The following DCC variants were observed in gnomAD, a reference collection of about 807,000 sequenced individuals.
DCC encodes netrin receptor DCC.
A neutral mutation model predicts 172.5 loss-of-function variants in DCC; 58 were observed. The ratio of observed to expected loss-of-function variants is 0.34; its 90% CI spans 0.27 to 0.42. DCC has a LOEUF of 0.42. Ranked by LOEUF, DCC falls within the 10% of genes least tolerant of loss-of-function variation. The pLI, the probability that DCC is intolerant of heterozygous loss-of-function variation, is 1.00. For missense variants in DCC, 1,740 were observed against 1,791.0 expected (o/e 0.97, Z 0.51); for synonymous variants, 709 against 644.5 (o/e 1.10, Z -1.52).
chr18:53,321,251 A>C (rs984751833), intron 13 of DCC, among the ~76,000 whole-genome samples: 2 of 152,184 alleles, frequency 1.3e-5, no homozygotes, highest in African/African-American at 4.8e-5. Context: ...TTGAGGTTTA[A>C]GGACTTGATC....
chr18:52,999,883 A>C (rs1349232232), intron 5 of DCC, among the ~76,000 whole-genome samples: 1 of 152,056 alleles, frequency 6.6e-6, no homozygotes, highest in African/African-American at 2.4e-5. Context: ...AGTTAAGATA[A>C]GGTAATACTG....
intron 1 of DCC, among the ~76,000 whole-genome samples, chr18:52,631,659 G>C (rs1419381876): frequency 1.3e-5 from 2 of 152,180 alleles, no homozygotes; most frequent in African/African-American, 4.8e-5. Context: ...CTCAGGCCAG[G>C]TTTTACAAAT....
chr18:52,420,423 G>A (rs1257171313), intron 1 of DCC, among the ~76,000 whole-genome samples: 1 of 152,070 alleles, frequency 6.6e-6, no homozygotes, highest in Non-Finnish European at 1.5e-5. Context: ...CTTAAAGTAT[G>A]GTCCACAGTC....
intron 2 of DCC, chr18:52,892,413 G>A (rs530915692): frequency 6.6e-6 from 1 of 152,094 alleles, no homozygotes; most frequent in Admixed American, 6.6e-5. Context: ...CTCAGACTAG[G>A]TGTCATGTGA....
intron 1 of DCC, among the ~76,000 whole-genome samples, chr18:52,366,756 G>T (rs1318446004): frequency 6.6e-6 from 1 of 152,112 alleles, no homozygotes; most frequent in Non-Finnish European, 1.5e-5. Context: ...TAAACACAGG[G>T]TGCTGATTGG....
chr18:52,789,002 C>T (rs1345982896), intron 2 of DCC, among the ~76,000 whole-genome samples: 1 of 152,072 alleles, frequency 6.6e-6, no homozygotes, highest in Non-Finnish European at 1.5e-5. Flanking sequence ...TTGTATGTTT[C>T]AGGTGACCAA....
In DCC at chr18:53,459,469, T is replaced by C. The variant is rs1483597337; in HGVS notation, c.3619+11T>C. 31 of 1,545,554 alleles carry C rather than the reference T, an allele frequency of 2.0e-5. No individual in the cohort carries two copies. The highest frequency in any genetic ancestry group is 2.7e-5 in the Non-Finnish European group (30 of 1,118,820). On this transcript the variant is annotated intron_variant, in intron 24 of 28. Transcript: ENST00000442544. ...GCACCTCTCATTCAGGTAATTATCTTTTCACTGGCATTAGGGAAAACATAC... is the reference window on the plus strand; with the variant it reads ...GCACCTCTCATTCAGGTAATTATCTCTTCACTGGCATTAGGGAAAACATAC...
intron 1 of DCC, among the ~76,000 whole-genome samples, chr18:52,568,385 A>G (rs1397786492): frequency 1.3e-5 from 2 of 152,148 alleles, no homozygotes; most frequent in Non-Finnish European, 2.9e-5. Flanking sequence ...ATTCTTTAGC[A>G]GTAAAAAAAG....
intron 1 of DCC, among the ~76,000 whole-genome samples, chr18:52,498,380 T>C (rs76035598): frequency 0.068 from 10,389 of 152,188 alleles, 446 homozygotes; most frequent in East Asian, 0.084. Context: ...TCCCAGCACT[T>C]TGGGGGGCCA....
At chr18:52,511,106 C>T (rs575858914) in intron 1 of DCC, among the ~76,000 whole-genome samples, 1 of 151,638 alleles carries the variant, frequency 6.6e-6, no homozygotes, top group South Asian at 2.1e-4. Flanking sequence ...ATGGTGAAAC[C>T]CCGTCTCTAC....
At chr18:52,413,104 TTA>T (rs1265307894) in intron 1 of DCC, among the ~76,000 whole-genome samples, 1 of 149,856 alleles carries the variant, frequency 6.7e-6, no homozygotes, top group Non-Finnish European at 1.5e-5. Context: ...GTTTAGAGGC[TTA>T]TATGTTTTTT....
chr18:52,644,557 C>T (rs962402758), intron 1 of DCC, among the ~76,000 whole-genome samples: 5 of 130,010 alleles, frequency 3.8e-5, no homozygotes, highest in East Asian at 4.5e-4. Context: ...CCAGCCTGGG[C>T]GACAGAGTCA....
chr18:53,206,479 AAT>A (rs1020019707), intron 10 of DCC, among the ~76,000 whole-genome samples: 3 of 99,998 alleles, frequency 3.0e-5, no homozygotes, highest in Admixed American at 1.1e-4. Flanking sequence ...TAGTATATAT[AAT>A]ATATAATGTA....
chr18:53,507,378 A>G (rs1368213174), intron 27 of DCC, among the ~76,000 whole-genome samples: 1 of 152,220 alleles, frequency 6.6e-6, no homozygotes, highest in East Asian at 1.9e-4. Context: ...ACCCATTTCT[A>G]AAGACATGAC....
At chr18:52,553,997 T>C (rs1454731) in intron 1 of DCC, among the ~76,000 whole-genome samples, 46,841 of 151,890 alleles carry the variant, frequency 0.31, 8,098 homozygotes, top group East Asian at 0.58. Flanking sequence ...AGCTGTACCA[T>C]TTGAAAAAGT....
chr18:52,466,891 A>T (rs1384997486), intron 1 of DCC, among the ~76,000 whole-genome samples: 2 of 152,058 alleles, frequency 1.3e-5, no homozygotes, highest in Admixed American at 6.6e-5. Context: ...TTATTATCTA[A>T]ATTTGGAAGA....
chr18:52,677,417 T>C (rs754022454), intron 1 of DCC, among the ~76,000 whole-genome samples: 2 of 152,140 alleles, frequency 1.3e-5, no homozygotes, highest in Non-Finnish European at 2.9e-5. Context: ...CACACAGTAG[T>C]AAAAATTACT....
intron 15 of DCC, among the ~76,000 whole-genome samples, chr18:53,344,446 T>C (rs868610855): frequency 4.9e-4 from 68 of 139,286 alleles, no homozygotes; most frequent in South Asian, 2.1e-3. Context: ...TTTTCTTTTT[T>C]TTTTTTTTTT....
intron 2 of DCC, among the ~76,000 whole-genome samples, chr18:52,849,180 A>G (rs568429450): frequency 1.3e-5 from 2 of 152,124 alleles, no homozygotes; most frequent in Non-Finnish European, 2.9e-5. Context: ...AGGCTTTCTC[A>G]GGTTTTTCTA....
Sources: allele counts gnomAD v4.1 joint callset (sites outside exome capture counted in the v4.1 genomes callset), GRCh38; gene constraint gnomAD v4.1.1; transcripts MANE v1.5; gene names NCBI Gene and HGNC (gene_info 2026-07-23, HGNC 2026-07-21).